FAM209B: variants seen among roughly 807,000 people sequenced by gnomAD.
The protein encoded by FAM209B is family with sequence similarity 209 member B.
A neutral mutation model predicts 8.9 loss-of-function variants in FAM209B; 8 were observed. The ratio of observed to expected loss-of-function variants is 0.90; its 90% CI spans 0.53 to 1.62. The LOEUF (loss-of-function observed/expected upper bound fraction) is 1.62, where lower values mean the gene tolerates loss of function less well. Among genes scored for constraint, FAM209B ranks in the 40% most tolerant of loss-of-function variants. FAM209B has a pLI of 0.00. For synonymous variants in FAM209B, 67 were observed against 75.0 expected (o/e 0.89, Z 0.55); for missense variants, 175 against 205.3 (o/e 0.85, Z 0.90).
At chr20:56,535,313 C>T (rs2146403808) in intron 1 of FAM209B, among the ~76,000 whole-genome samples, 1 of 150,800 alleles carries the variant, frequency 6.6e-6, no homozygotes, top group South Asian at 2.1e-4. Flanking sequence ...GAACCCCGGC[C>T]GGGGGTGGTG....
chr20:56,536,306 C>T lies in FAM209B; in HGVS notation c.384C>T (p.Ser128=), dbSNP rs1298640920. The change falls in exon 2 of 2, where the codon TCC becomes TCT. Residue 128 remains serine (S), a synonymous_variant. Transcript: ENST00000371325. ...ELEVELLKFV[S]EVQNLKGAMA... ...AAGTGGAGCTTTTGAAATTTGTGTCCGAAGTGCAGAATCTTAAAGGTGCCA... is the reference window on the plus strand; with the variant it reads ...AAGTGGAGCTTTTGAAATTTGTGTCTGAAGTGCAGAATCTTAAAGGTGCCA... The T allele has an allele frequency of 1.9e-6, 3 of 1,613,764 alleles. No individual in the cohort carries two copies. The highest frequency in any genetic ancestry group is 2.2e-5 in the South Asian group (2 of 90,990).
chr20:56,533,623 T>C, intron 1 of FAM209B, 33 bp downstream of exon 1: 1 of 1,608,852 alleles, frequency 6.2e-7, no homozygotes, highest in Non-Finnish European at 8.5e-7. Flanking sequence ...TACACCATAT[T>C]GATTCAATCT....
rs1568724985 is a variant in FAM209B at position 56,536,482 on chromosome 20, A to T, written c.*44A>T. On this transcript the variant is annotated 3_prime_UTR_variant, in exon 2 of 2. Coordinates refer to ENST00000371325, the MANE Select transcript of FAM209B (RefSeq NM_001013646.4). ...AGAGAAAAAAGTTGAGTGTTGACAA[A>T]CTGTATGCAAACTAATAAAACTATT... 1 of 1,523,280 alleles carries T rather than the reference A, an allele frequency of 6.6e-7. No individual in the cohort carries two copies. The allele number at this position is 1,523,280 out of a possible 1,614,324, so 94.4% of individuals were successfully genotyped here.
intron 1 of FAM209B, among the ~76,000 whole-genome samples, chr20:56,533,948 G>C (rs1266327237): frequency 1.3e-5 from 2 of 152,144 alleles, no homozygotes; most frequent in Non-Finnish European, 2.9e-5. Flanking sequence ...CTGAGGTCGG[G>C]AGTTTGAGAA....
At position 56,533,447 on chromosome 20, in the gene FAM209B, G is replaced by A; in HGVS notation, c.106G>A (p.Val36Met). 6.2e-7 allele frequency: 1 copy of A among 1,610,740 alleles called. No homozygotes were observed. Among genetic ancestry groups the A allele is most frequent in the Non-Finnish European group, 8.5e-7 (1 of 1,177,132 alleles). ...RQKTSEPQGK[V>M]PCGEHFRIRQ... Reference sequence around the variant, plus strand: ...GAAAACTAGCGAACCCCAGGGGAAGGTGCCGTGTGGAGAGCACTTTCGGAT... The same window carrying A: ...GAAAACTAGCGAACCCCAGGGGAAGATGCCGTGTGGAGAGCACTTTCGGAT... The change falls in exon 1 of 2, where the codon GTG becomes ATG. Residue 36 changes from valine (V) to methionine (M), a missense_variant. By Grantham distance (21) the Val-to-Met change is conservative. Transcript: ENST00000371325.
chr20:56,533,464 C>T lies in FAM209B; in HGVS notation c.123C>T (p.His41=). 6.2e-7 allele frequency: 1 copy of T among 1,614,016 alleles called. No homozygotes were observed. Among genetic ancestry groups the T allele is most frequent in the Non-Finnish European group, 8.5e-7 (1 of 1,179,890 alleles). ...AGGGGAAGGTGCCGTGTGGAGAGCACTTTCGGATTCGGCAGAACCTACCAG... is the reference window on the plus strand; with the variant it reads ...AGGGGAAGGTGCCGTGTGGAGAGCATTTTCGGATTCGGCAGAACCTACCAG... ...EPQGKVPCGE[H]FRIRQNLPEH... The change falls in exon 1 of 2, where the codon CAC becomes CAT. Residue 41 remains histidine, a synonymous_variant. Coordinates refer to ENST00000371325, the MANE Select transcript of FAM209B (RefSeq NM_001013646.4).
intron 1 of FAM209B, 30 bp from the exon 2 acceptor site, chr20:56,536,142 A>G: frequency 6.7e-7 from 1 of 1,503,748 alleles, no homozygotes. Context: ...AGTCCATGAT[A>G]TTATTGACCT....
intron 1 of FAM209B, among the ~76,000 whole-genome samples, chr20:56,535,586 G>A (rs955207429): frequency 9.9e-5 from 15 of 151,846 alleles, no homozygotes; most frequent in South Asian, 8.3e-4. Flanking sequence ...GCAAGATTCC[G>A]TCTCACAAAA....
chr20:56,534,172 T>C (rs763034940), intron 1 of FAM209B, among the ~76,000 whole-genome samples: 49 of 152,076 alleles, frequency 3.2e-4, no homozygotes, highest in Non-Finnish European at 6.6e-4. Context: ...ACTTATGGTG[T>C]GTTTTAGAAG....
chr20:56,533,804 C>T (rs997917604), intron 1 of FAM209B, among the ~76,000 whole-genome samples: 1 of 152,140 alleles, frequency 6.6e-6, no homozygotes, highest in Non-Finnish European at 1.5e-5. Flanking sequence ...GGAAGATGAC[C>T]TCTAGTTTCT....
chr20:56,536,284 T>C lies in FAM209B; in HGVS notation c.362T>C (p.Val121Ala), dbSNP rs1985967692. The change falls in exon 2 of 2, where the codon GTG becomes GCG. Residue 121 changes from valine to alanine, a missense_variant. By Grantham distance (64) the Val-to-Ala change is moderately conservative. This residue lies in a region of FAM209B where 166 missense variants were observed against 174.5 expected (regional missense o/e 0.95). Coordinates refer to ENST00000371325, the MANE Select transcript of FAM209B (RefSeq NM_001013646.4). The stretch of plus-strand genomic sequence containing the variant: ...TTCAATACCTTAAACGAACTTGAAG[T>C]GGAGCTTTTGAAATTTGTGTCCGAA... ...CVFNTLNELE[V>A]ELLKFVSEVQ... The C allele has an allele frequency of 1.9e-6, 3 of 1,613,634 alleles. No individual in the cohort carries two copies. Among genetic ancestry groups the C allele is most frequent in the East Asian group, 4.5e-5 (2 of 44,880 alleles).
chr20:56,533,564 T>A lies in FAM209B; in HGVS notation c.223T>A (p.Cys75Ser). 1.2e-6 allele frequency: 2 copies of A among 1,614,168 alleles called. No homozygotes were observed. The highest frequency in any genetic ancestry group is 8.5e-7 in the Non-Finnish European group (1 of 1,180,016). Residue 75 changes from cysteine (C) to serine (S), a missense_variant, in exon 1 of 2, where the codon TGT becomes AGT. Cys to Ser is a moderately radical substitution (Grantham distance 112). Coordinates refer to ENST00000371325, the MANE Select transcript of FAM209B (RefSeq NM_001013646.4). ...FAVVPFVILQ[C>S]QRDSEKNKEQ... The stretch of plus-strand genomic sequence containing the variant: ...TGTTGTGCCGTTTGTGATACTGCAG[T>A]GTCAAAGAGACAGTGAGAAGAATAA...
rs531912488 is a variant in FAM209B at position 56,534,345 on chromosome 20, T to C, written c.249+755T>C. Among the ~76,000 whole-genome samples, 5 of 152,074 alleles carry C rather than the reference T, an allele frequency of 3.3e-5. No individual in the cohort carries two copies. The South Asian group carries it at 1.0e-3, about 32-fold the overall frequency. On this transcript the variant is annotated intron_variant, in intron 1 of 1. Transcript: ENST00000371325. ...AGATAAAGGTGTAGGCCGGGCACAG[T>C]GGCTCATGCCTGTAATCCCAGAACT...
chr20:56,534,081 T>C (rs895722997), intron 1 of FAM209B, among the ~76,000 whole-genome samples: 1 of 151,994 alleles, frequency 6.6e-6, no homozygotes, highest in African/African-American at 2.4e-5. Context: ...GCTTGAACCC[T>C]GGAGGCAGAG....
In FAM209B at chr20:56,533,570, A is replaced by G. The variant is rs1985855792; in HGVS notation, c.229A>G (p.Arg77Gly). The part of the protein sequence containing the change: ...VVPFVILQCQ[R>G]DSEKNKEQSP... ...GCCGTTTGTGATACTGCAGTGTCAA[A>G]GAGACAGTGAGAAGAATAAGGTAAG... Residue 77 changes from arginine to glycine, a missense_variant, in exon 1 of 2, where the codon AGA (arginine) becomes GGA (glycine). Arg to Gly is a moderately radical substitution (Grantham distance 125). Transcript: ENST00000371325. The G allele has an allele frequency of 6.8e-6, 11 of 1,614,204 alleles. No individual in the cohort carries two copies. The highest frequency in any genetic ancestry group is 9.3e-6 in the Non-Finnish European group (11 of 1,180,028).
chr20:56,534,369 C>A (rs935839152), intron 1 of FAM209B, among the ~76,000 whole-genome samples: 3 of 151,876 alleles, frequency 2.0e-5, no homozygotes, highest in African/African-American at 7.3e-5. Context: ...AATCCCAGAA[C>A]TTTGGGAGGC....
chr20:56,535,467 T>C (rs573629236), intron 1 of FAM209B, among the ~76,000 whole-genome samples: 4 of 151,448 alleles, frequency 2.6e-5, no homozygotes, highest in African/African-American at 9.7e-5. Flanking sequence ...GGCGGGTGCC[T>C]GTAATCCCAG....
chr20:56,534,523 G>A (rs570851255), intron 1 of FAM209B, among the ~76,000 whole-genome samples: 68 of 152,046 alleles, frequency 4.5e-4, no homozygotes, highest in African/African-American at 1.6e-3. Flanking sequence ...GGCTGAGGCG[G>A]GTGAATCACG....
In FAM209B at chr20:56,536,302, T is replaced by G; in HGVS notation, c.380T>G (p.Val127Gly). The change falls in exon 2 of 2, where the codon GTG becomes GGG. Residue 127 changes from valine (V) to glycine (G), a missense_variant. This residue lies in a region of FAM209B where 166 missense variants were observed against 174.5 expected (regional missense o/e 0.95). Coordinates refer to ENST00000371325, the MANE Select transcript of FAM209B (RefSeq NM_001013646.4). The part of the protein sequence containing the change: ...NELEVELLKF[V>G]SEVQNLKGAM... ...CTTGAAGTGGAGCTTTTGAAATTTG[T>G]GTCCGAAGTGCAGAATCTTAAAGGT... The G allele has an allele frequency of 6.2e-7, 1 of 1,613,972 alleles. No homozygotes were observed. The highest frequency in any genetic ancestry group is 1.6e-4 in the Middle Eastern group (1 of 6,062).
Sources: gnomAD v4.1 joint callset for allele counts (sites outside exome capture counted in the v4.1 genomes callset) on GRCh38, gnomAD v4.1.1 for gene constraint, gnomAD v4.1.1 regional missense constraint, MANE v1.5 for transcripts, NCBI Gene and HGNC (gene_info 2026-07-23, HGNC 2026-07-21) for gene names.